The following APBB1 variants were observed in gnomAD, a reference collection of about 807,000 sequenced individuals.
APBB1 encodes adaptor protein FE65a2.
Under a neutral mutation model 78.4 loss-of-function variants are expected in APBB1, and 22 were observed. The ratio of observed to expected loss-of-function variants is 0.28; its 90% confidence interval spans 0.20 to 0.40. APBB1 has a LOEUF of 0.40. APBB1 is among the 10% of genes least tolerant of loss of function. The pLI is 1.00. For missense variants in APBB1, 749 were observed against 932.4 expected (o/e 0.80, Z 2.56); for synonymous variants, 369 against 372.7 (o/e 0.99, Z 0.12).
In APBB1 at chr11:6,395,238, A is replaced by G; in HGVS notation, c.*296T>C. ...TCCTCCTTCTGCCCCTGCTGGGTCC[A>G]GGAGGATGAGGCCTGGCCTGGACCA... On this transcript the variant is annotated 3_prime_UTR_variant, in exon 15 of 15. Transcript: ENST00000609360. The surrounding 1 kb of genome is among the most constrained non-coding windows in gnomAD (Gnocchi z 5.2). 2 of 323,804 alleles carry G rather than the reference A, an allele frequency of 6.2e-6. No homozygotes were observed. Among genetic ancestry groups the G allele is most frequent in the Admixed American group, 4.5e-5 (1 of 22,378 alleles). 20.1% of individuals were successfully genotyped at this position (323,804 alleles called of 1,614,324 possible).
intron 1 of APBB1, among the ~76,000 whole-genome samples, chr11:6,413,849 T>C (rs563727010): frequency 1.3e-5 from 2 of 152,136 alleles, no homozygotes; most frequent in African/African-American, 4.8e-5. Flanking sequence ...ATGAAAAAGG[T>C]TTCTGCGCAC....
intron 2 of APBB1, chr11:6,404,998 A>G: frequency 7.0e-7 from 1 of 1,428,900 alleles, no homozygotes; most frequent in Non-Finnish European, 9.1e-7. Flanking sequence ...ATGCTAGGGA[A>G]TCTCCTTGGG....
In APBB1 at chr11:6,401,817, G is replaced by T. The variant is rs1166938955; in HGVS notation, c.1389-129C>A. 2 of 1,418,466 alleles carry T rather than the reference G, an allele frequency of 1.4e-6. No homozygotes were observed. The highest frequency in any genetic ancestry group is 2.0e-6 in the Non-Finnish European group (2 of 1,018,608). 87.9% of individuals were successfully genotyped at this position (1,418,466 alleles called of 1,614,324 possible). A position where few individuals can be genotyped will look rare whatever the true frequency, so the allele number is the denominator to read the frequency against. ...TTCTGCCCACAGCTGGTCCCCCATA[G>T]GTGCTGCCTTCTTGGGGGGGAGGGG... On this transcript the variant is annotated intron_variant, in intron 9 of 14. Coordinates refer to ENST00000609360, the MANE Select transcript of APBB1 (RefSeq NM_001164.5). The surrounding 1 kb of genome is among the most constrained non-coding windows in gnomAD (Gnocchi z 4.5).
At position 6,401,760 on chromosome 11, in the gene APBB1, G is replaced by A. The variant is rs749734800; in HGVS notation, c.1389-72C>T. On this transcript the variant is annotated intron_variant, in intron 9 of 14. Coordinates refer to ENST00000609360, the MANE Select transcript of APBB1 (RefSeq NM_001164.5). This position sits in a 1 kb window ranked among gnomAD's most constrained non-coding sequence, Gnocchi z 4.5. Reference sequence around the variant, plus strand: ...TGAGCCTGGTCCCCACCCCACCCACGTCCTCCCTGCCCATCACAGCTCCTC... The same window carrying A: ...TGAGCCTGGTCCCCACCCCACCCACATCCTCCCTGCCCATCACAGCTCCTC... 1.7e-5 allele frequency: 27 copies of A among 1,552,904 alleles called. No individual in the cohort carries two copies. Among genetic ancestry groups the A allele is most frequent in the African/African-American group, 8.1e-5 (6 of 73,642 alleles).
chr11:6,412,675 G>A (rs75768493), intron 1 of APBB1, among the ~76,000 whole-genome samples: 1 of 152,116 alleles, frequency 6.6e-6, no homozygotes. Flanking sequence ...TGCCTTTTTG[G>A]TTAAATACAG....
chr11:6,395,523 T>G lies in APBB1; in HGVS notation c.*11A>C. The G allele has an allele frequency of 6.5e-7, 1 of 1,535,106 alleles. No homozygotes were observed. The highest frequency in any genetic ancestry group is 8.8e-7 in the Non-Finnish European group (1 of 1,142,632). On this transcript the variant is annotated 3_prime_UTR_variant, in exon 15 of 15. Transcript: ENST00000609360. The surrounding 1 kb of genome is among the most constrained non-coding windows in gnomAD (Gnocchi z 5.2). ...CCAACACAAGCAGGTGGAGGGAAGG[T>G]GGGGGCTTCTTCATGGGGTATGGGC...
intron 2 of APBB1, 148 bp downstream of exon 2, chr11:6,410,479 C>G (rs1277746618): frequency 1.7e-6 from 1 of 589,438 alleles, no homozygotes; most frequent in East Asian, 2.9e-5. Context: ...TCCAAGCACT[C>G]TCTGAATGAA....
At chr11:6,417,978 A>G (rs1027639042) in intron 1 of APBB1, among the ~76,000 whole-genome samples, 3 of 152,256 alleles carry the variant, frequency 2.0e-5, no homozygotes, top group African/African-American at 7.2e-5. Context: ...ATTTCAGGAA[A>G]GAAGTCTGGG....
At chr11:6,413,969 C>A (rs1246779377) in intron 1 of APBB1, among the ~76,000 whole-genome samples, 4 of 152,204 alleles carry the variant, frequency 2.6e-5, no homozygotes, top group Admixed American at 6.5e-5. Flanking sequence ...CTACCTCCTC[C>A]CAGAACCACA....
At chr11:6,406,055 G>T (rs1417814402) in intron 2 of APBB1, among the ~76,000 whole-genome samples, 1 of 152,150 alleles carries the variant, frequency 6.6e-6, no homozygotes, top group Non-Finnish European at 1.5e-5. Context: ...TCATCCTTCC[G>T]ATCTGTCCTG....
At chr11:6,405,429 C>T in intron 2 of APBB1, 2 of 987,418 alleles carry the variant, frequency 2.0e-6, no homozygotes, top group African/African-American at 3.5e-5. Flanking sequence ...TCGGCAACCG[C>T]AGCACCAGGA....
At chr11:6,399,216 T>C (rs1312167510) in intron 12 of APBB1, among the ~76,000 whole-genome samples, 2 of 152,160 alleles carry the variant, frequency 1.3e-5, no homozygotes, top group Non-Finnish European at 2.9e-5. Flanking sequence ...TTTGATTACC[T>C]CTACAACCCA....
At chr11:6,396,747 A>G (rs1848249654) in intron 12 of APBB1, among the ~76,000 whole-genome samples, 1 of 152,202 alleles carries the variant, frequency 6.6e-6, no homozygotes, top group Non-Finnish European at 1.5e-5. Context: ...CCATTTTACA[A>G]ATAAGGAAAC....
intron 6 of APBB1, 37 bp from the exon 7 acceptor site, chr11:6,402,762 C>T: frequency 3.1e-6 from 5 of 1,612,702 alleles, no homozygotes; most frequent in Non-Finnish European, 4.2e-6. Flanking sequence ...GGTAGAGGAT[C>T]TGAGTCAAAA....
chr11:6,410,832 G>C lies in APBB1; in HGVS notation c.516C>G (p.Asp172Glu), dbSNP rs1564945585. The C allele has an allele frequency of 6.2e-7, 1 of 1,613,778 alleles. No homozygotes were observed. The highest frequency in any genetic ancestry group is 1.7e-5 in the Admixed American group (1 of 59,972). The change falls in exon 2 of 15, where the codon GAC (aspartate) becomes GAG (glutamate). Residue 172 changes from aspartate to glutamate, a missense_variant. By Grantham distance (45) the Asp-to-Glu change is conservative. This residue lies in a region of APBB1 where 635 missense variants were observed against 765.0 expected (regional missense o/e 0.83). Coordinates refer to ENST00000609360, the MANE Select transcript of APBB1 (RefSeq NM_001164.5). Reference protein sequence around the residue: ...EDDDDEEEEEDLSSPPGLPEP... With the variant: ...EDDDDEEEEEELSSPPGLPEP... Reference sequence around the variant, plus strand: ...CAGGCAGCCCTGGGGGAGAAGATAAGTCCTCCTCCTCCTCTTCATCATCAT... The same window carrying C: ...CAGGCAGCCCTGGGGGAGAAGATAACTCCTCCTCCTCCTCTTCATCATCAT...
intron 12 of APBB1, among the ~76,000 whole-genome samples, chr11:6,396,966 T>C (rs997598075): frequency 2.6e-5 from 4 of 152,262 alleles, no homozygotes; most frequent in Non-Finnish European, 5.9e-5. Flanking sequence ...CCAAGGTTCC[T>C]GACTTTCAGA....
intron 12 of APBB1, among the ~76,000 whole-genome samples, chr11:6,399,121 G>C (rs1457283175): frequency 6.6e-6 from 1 of 152,118 alleles, no homozygotes; most frequent in Non-Finnish European, 1.5e-5. Flanking sequence ...GAATGTTGGA[G>C]GGCCTCAAGG....
chr11:6,405,061 TCA>T, intron 2 of APBB1: 2 of 1,400,990 alleles, frequency 1.4e-6, no homozygotes, highest in East Asian at 5.2e-5. Context: ...CCCCTTCTGC[TCA>T]CACCTCTTCT....
chr11:6,403,785 G>A lies in APBB1; in HGVS notation c.759C>T (p.Ser253=), dbSNP rs1457110807. Residue 253 remains serine (S), a synonymous_variant, in exon 3 of 15, where the codon TCC becomes TCT. Transcript: ENST00000609360. The surrounding 1 kb of genome is among the most constrained non-coding windows in gnomAD (Gnocchi z 5.3). The part of the protein sequence containing the change: ...FWNPNAFETD[S]DLPAGWMRVQ... The stretch of plus-strand genomic sequence containing the variant: ...CCCTCATCCATCCAGCCGGCAGGTC[G>A]GAATCCGTCTCGAAGGCGTTGGGGT... 8 of 1,579,444 alleles carry A rather than the reference G, an allele frequency of 5.1e-6. No individual in the cohort carries two copies. The highest frequency in any genetic ancestry group is 1.4e-5 in the African/African-American group (1 of 73,890).
Sources: gnomAD v4.1 joint callset for allele counts (sites outside exome capture counted in the v4.1 genomes callset) on GRCh38, gnomAD v4.1.1 for gene constraint, gnomAD v4.1.1 regional missense constraint, Gnocchi (gnomAD v3.1) non-coding constraint, MANE v1.5 for transcripts, NCBI Gene and HGNC (gene_info 2026-07-23, HGNC 2026-07-21) for gene names.